The following KDM5A variants were observed in gnomAD, a reference collection of about 807,000 sequenced individuals.
KDM5A encodes the protein lysine demethylase 5A.
Under a neutral mutation model 193.5 loss-of-function variants are expected in KDM5A, and 42 were observed. That is an observed-to-expected ratio of 0.22 (90% CI 0.17 to 0.28). The LOEUF (loss-of-function observed/expected upper bound fraction) is 0.28. Ranked by LOEUF, KDM5A falls within the 10% of genes least tolerant of loss-of-function variation. The pLI is 1.00. For synonymous variants in KDM5A, 796 were observed against 718.1 expected (o/e 1.11, Z -1.73); for missense variants, 1,692 against 2,055.1 (o/e 0.82, Z 3.42).
intron 14 of KDM5A, among the ~76,000 whole-genome samples, chr12:324,114 C>T (rs373103150): frequency 2.0e-5 from 3 of 152,062 alleles, no homozygotes; most frequent in African/African-American, 7.2e-5. Context: ...TGAGACCAGC[C>T]GGGGCAACAA....
chr12:385,670 T>C (rs1383761094), intron 2 of KDM5A, among the ~76,000 whole-genome samples: 1 of 152,188 alleles, frequency 6.6e-6, no homozygotes, highest in African/African-American at 2.4e-5. Flanking sequence ...GAATTCTAAG[T>C]CTCTGAAGCT....
intron 5 of KDM5A, among the ~76,000 whole-genome samples, chr12:359,924 T>C (rs1944274888): frequency 6.6e-6 from 1 of 152,148 alleles, no homozygotes; most frequent in Non-Finnish European, 1.5e-5. Context: ...GGCATAACCA[T>C]GCTGTAGCCA....
At chr12:319,418 C>T (rs1029679465) in intron 18 of KDM5A, among the ~76,000 whole-genome samples, 1 of 152,058 alleles carries the variant, frequency 6.6e-6, no homozygotes, top group Admixed American at 6.6e-5. Flanking sequence ...ATATTGAACA[C>T]GGGGTATAAG....
intron 5 of KDM5A, among the ~76,000 whole-genome samples, chr12:357,702 C>A (rs1444353390): frequency 4.0e-5 from 6 of 151,102 alleles, no homozygotes. Context: ...GTGGCGCACG[C>A]CTATAGTCCC....
Position 346,060 on chromosome 12 carries a change from T to C in KDM5A, c.1308+4561A>G, listed in dbSNP as rs555639823. 1.3e-4 allele frequency among the ~76,000 whole-genome samples: 20 copies of C among 151,798 alleles called. No homozygotes were observed. In the East Asian group the frequency reaches 3.3e-3, roughly 25 times the overall value. On this transcript the variant is annotated intron_variant, in intron 10 of 27. Transcript: ENST00000399788. The stretch of plus-strand genomic sequence containing the variant: ...AGAAAGGAGAGAAGAATCAAATAGA[T>C]GCAATAAAAAATGATAAAGGGGATA...
intron 22 of KDM5A, among the ~76,000 whole-genome samples, chr12:308,709 T>C (rs1943544398): frequency 6.6e-6 from 1 of 152,240 alleles, no homozygotes; most frequent in Admixed American, 6.5e-5. Context: ...CCAGTCCTAC[T>C]TGTCTAGCAA....
At chr12:304,800 A>G (rs575023396) in intron 24 of KDM5A, among the ~76,000 whole-genome samples, 15 of 152,322 alleles carry the variant, frequency 9.8e-5, no homozygotes, top group African/African-American at 3.6e-4. Context: ...TCTGCTTTCA[A>G]GCAAAGCCCA....
rs370422019 is a variant in KDM5A, at chr12:307,804, A to G, written c.3580T>C (p.Ser1194Pro). ...CTGGATCCTTTTTTTTGGGAACTTG[A>G]TTTAGGAAGAGGAACACAGCTGTTA... ...FHNSCVPLPK[S>P]SSQKKGSSWQ... The change falls in exon 23 of 28, where the codon TCA becomes CCA. Residue 1194 changes from serine to proline, a missense_variant. Physicochemically the swap from Ser to Pro is moderately conservative, Grantham distance 74 (BLOSUM62 -1). Around this residue, in one of 11 missense-constraint regions of KDM5A, gnomAD observed 965 missense variants for 1,061.0 expected, o/e 0.91. Coordinates refer to ENST00000399788, the MANE Select transcript of KDM5A (RefSeq NM_001042603.3). This position sits in a 1 kb window ranked among gnomAD's most constrained non-coding sequence, Gnocchi z 4.3. 1 of 1,614,126 alleles carries G rather than the reference A, an allele frequency of 6.2e-7. No individual in the cohort carries two copies. The highest frequency in any genetic ancestry group is 1.1e-5 in the South Asian group (1 of 91,078).
At chr12:300,846 G>GT (rs1379638079) in intron 24 of KDM5A, among the ~76,000 whole-genome samples, 1 of 151,960 alleles carries the variant, frequency 6.6e-6, no homozygotes, top group African/African-American at 2.4e-5. Context: ...GATAAAGGGG[G>GT]TATCACCATC....
chr12:373,573 A>C (rs1349402369), intron 3 of KDM5A, among the ~76,000 whole-genome samples: 2 of 151,854 alleles, frequency 1.3e-5, no homozygotes, highest in Admixed American at 6.6e-5. Context: ...TTGTGTCTCT[A>C]TCTCCTTCAG....
chr12:309,653 A>T (rs2137392165), intron 22 of KDM5A, 150 bp downstream of exon 22: 2 of 831,226 alleles, frequency 2.4e-6, no homozygotes, highest in East Asian at 5.4e-5. Context: ...CTTGATTATA[A>T]ATATTTACTT....
intron 21 of KDM5A, among the ~76,000 whole-genome samples, chr12:310,273 T>C (rs1046544975): frequency 1.3e-5 from 2 of 152,216 alleles, no homozygotes; most frequent in African/African-American, 2.4e-5. Context: ...TTAACTACTA[T>C]GTTCAACTGC....
chr12:292,704 C>T (rs1169484104), intron 27 of KDM5A, 55 bp downstream of exon 27: 1 of 1,611,078 alleles, frequency 6.2e-7, no homozygotes, highest in Non-Finnish European at 8.5e-7. Context: ...ACATGTGTCT[C>T]CACAACTGTT....
chr12:388,725 A>G (rs1486119029), intron 1 of KDM5A, among the ~76,000 whole-genome samples: 1 of 152,232 alleles, frequency 6.6e-6, no homozygotes, highest in Non-Finnish European at 1.5e-5. Flanking sequence ...AAGAGGCCCA[A>G]GAGACACCAC....
intron 24 of KDM5A, among the ~76,000 whole-genome samples, chr12:297,600 G>C (rs1044163225): frequency 6.6e-5 from 10 of 152,156 alleles, no homozygotes; most frequent in African/African-American, 2.4e-4. Context: ...CCTTGTACCA[G>C]GGCCCACTTA....
intron 10 of KDM5A, 29 bp downstream of exon 10, chr12:350,592 G>A (rs1313263241): frequency 6.2e-7 from 1 of 1,612,872 alleles, no homozygotes; most frequent in East Asian, 2.2e-5. Flanking sequence ...TCAGCTTGGG[G>A]GTAAGCAAAA....
At chr12:372,578 T>G (rs1222371633) in intron 3 of KDM5A, among the ~76,000 whole-genome samples, 4 of 152,196 alleles carry the variant, frequency 2.6e-5, no homozygotes, top group African/African-American at 7.2e-5. Context: ...TTGAATACCC[T>G]TTATTTCTTT....
chr12:385,749 C>T, intron 2 of KDM5A, 148 bp downstream of exon 2: 1 of 672,900 alleles, frequency 1.5e-6, no homozygotes, highest in Non-Finnish European at 2.7e-6. Context: ...AAAAATCATA[C>T]TCTTCCTCCA....
At chr12:381,109 C>A (rs899233409) in intron 3 of KDM5A, among the ~76,000 whole-genome samples, 3 of 152,182 alleles carry the variant, frequency 2.0e-5, no homozygotes, top group Admixed American at 2.0e-4. Context: ...ATTCTCCTGC[C>A]TCGGCCTCCC....
Sources: gnomAD v4.1 joint callset for allele counts (sites outside exome capture counted in the v4.1 genomes callset) on GRCh38, gnomAD v4.1.1 for gene constraint, gnomAD v4.1.1 regional missense constraint, Gnocchi (gnomAD v3.1) non-coding constraint, MANE v1.5 for transcripts, NCBI Gene and HGNC (gene_info 2026-07-23, HGNC 2026-07-21) for gene names.